PIP5K1C: variants seen among roughly 807,000 people sequenced by gnomAD.
PIP5K1C encodes phosphatidylinositol-4-phosphate 5-kinase type 1 gamma.
A neutral mutation model predicts 80.1 loss-of-function variants in PIP5K1C; 45 were observed. The observed-to-expected ratio is 0.56, with a 90% CI of 0.44 to 0.72. The LOEUF (loss-of-function observed/expected upper bound fraction) is 0.72. Among genes scored for constraint, PIP5K1C ranks in the 30% least tolerant of loss-of-function variants. PIP5K1C has a pLI of 0.00. For missense variants in PIP5K1C, 753 were observed against 954.6 expected, an observed-to-expected ratio of 0.79 and a Z score of 2.78; for synonymous variants, 498 against 420.1, an observed-to-expected ratio of 1.19 and a Z score of -2.27.
intron 7 of PIP5K1C, among the ~76,000 whole-genome samples, chr19:3,652,668 G>A (rs747750072): frequency 5.3e-5 from 8 of 152,298 alleles, no homozygotes; most frequent in Non-Finnish European, 1.0e-4. Context: ...TCATTCTTTC[G>A]CTAACACGGA....
intron 1 of PIP5K1C, among the ~76,000 whole-genome samples, chr19:3,689,041 T>C (rs1331039325): frequency 1.3e-5 from 2 of 152,024 alleles, no homozygotes; most frequent in South Asian, 2.1e-4. Flanking sequence ...AAAATTTTCT[T>C]AGGATCTCAC....
chr19:3,644,033 G>A, intron 12 of PIP5K1C, 54 bp downstream of exon 12: 2 of 1,594,368 alleles, frequency 1.3e-6, no homozygotes, highest in Non-Finnish European at 1.7e-6. Flanking sequence ...CCACGGGGCT[G>A]CTGCTGGCAC....
rs1193706438 is a variant in PIP5K1C at position 3,630,313 on chromosome 19, C to G, written c.*2854G>C. The G allele has an allele frequency of 1.3e-5, 2 of 152,478 alleles. No homozygotes were observed. Among genetic ancestry groups the G allele is most frequent in the Non-Finnish European group, 2.9e-5 (2 of 68,010 alleles). 9.4% of individuals were successfully genotyped at this position (152,478 alleles called of 1,614,324 possible). On this transcript the variant is annotated 3_prime_UTR_variant, in exon 18 of 18. Coordinates refer to ENST00000335312, the MANE Select transcript of PIP5K1C (RefSeq NM_012398.3). ...GCTGTATGGTTTCAGAGGCGCCCAC[C>G]ACTCTGGGTTTGAGGGACACAGCAC...
Position 3,700,461 on chromosome 19 carries a change from G to C in PIP5K1C, c.-71C>G, listed in dbSNP as rs2036266271. ...TGCGACCGCCGCCGCCGAACAACAA[G>C]CGCCGCCGGCCAAGGGAGGGCGCGC... is the stretch of plus-strand genomic sequence containing the variant. On this transcript the variant is annotated 5_prime_UTR_variant, in exon 1 of 18. Coordinates refer to ENST00000335312, the MANE Select transcript of PIP5K1C (RefSeq NM_012398.3). 37 of 833,210 alleles carry C rather than the reference G, an allele frequency of 4.4e-5. No individual in the cohort carries two copies. The South Asian group carries it at 4.8e-4, about 11-fold the overall frequency. The allele number at this position is 833,210 out of a possible 1,614,324, so 51.6% of individuals were successfully genotyped here. A position where few individuals can be genotyped will look rare whatever the true frequency, so the allele number is the denominator to read the frequency against.
chr19:3,649,915 T>C (rs2034371166), intron 8 of PIP5K1C: 1 of 268,980 alleles, frequency 3.7e-6, no homozygotes, highest in Non-Finnish European at 7.3e-6. Flanking sequence ...CGTGCAGCAG[T>C]CATCCTGAAG....
At chr19:3,684,368 G>A (rs1276684144) in intron 1 of PIP5K1C, among the ~76,000 whole-genome samples, 2 of 152,228 alleles carry the variant, frequency 1.3e-5, no homozygotes, top group Non-Finnish European at 1.5e-5. Flanking sequence ...CCATCCCGGG[G>A]ACAGGGCCGA....
chr19:3,665,008 T>C, intron 2 of PIP5K1C, 94 bp from the exon 3 acceptor site: 4 of 1,062,132 alleles, frequency 3.8e-6, no homozygotes, highest in South Asian at 1.3e-5. Context: ...GGTTTAGTCG[T>C]TGGGCCCAGC....
intron 8 of PIP5K1C, among the ~76,000 whole-genome samples, chr19:3,650,864 C>T (rs189604456): frequency 6.6e-6 from 1 of 152,248 alleles, no homozygotes; most frequent in African/African-American, 2.4e-5. Flanking sequence ...TCAAGCGATT[C>T]TCCTGCCTCA....
At chr19:3,690,294 C>G (rs775415183) in intron 1 of PIP5K1C, among the ~76,000 whole-genome samples, 21 of 151,928 alleles carry the variant, frequency 1.4e-4, no homozygotes, top group Non-Finnish European at 2.4e-4. Flanking sequence ...GCCAGGAGCT[C>G]GAGACCAGCC....
Position 3,633,464 on chromosome 19 carries a change from G to T in PIP5K1C, c.1977C>A (p.Pro659=). The change falls in exon 17 of 18, where the codon CCC becomes CCA. Residue 659 remains proline, a synonymous_variant. Coordinates refer to ENST00000335312, the MANE Select transcript of PIP5K1C (RefSeq NM_012398.3). ...TGTCGCTCTCGCCGTCGGAGGCCGGGGGGGCCTGGGCGCTATAGTGGAGCG... is the reference window on the plus strand; with the variant it reads ...TGTCGCTCTCGCCGTCGGAGGCCGGTGGGGCCTGGGCGCTATAGTGGAGCG... ...YSPLHYSAQA[P]PASDGESDT is the part of the protein sequence containing the mutation. 1 of 1,509,182 alleles carries T rather than the reference G, an allele frequency of 6.6e-7. No individual in the cohort carries two copies. The highest frequency in any genetic ancestry group is 8.9e-7 in the Non-Finnish European group (1 of 1,126,774). 93.5% of individuals were successfully genotyped at this position (1,509,182 alleles called of 1,614,324 possible).
chr19:3,679,533 G>A (rs868808938), intron 1 of PIP5K1C, among the ~76,000 whole-genome samples: 5 of 152,202 alleles, frequency 3.3e-5, no homozygotes, highest in East Asian at 3.9e-4. Context: ...CTGGCGTCTC[G>A]TTCACGGTTG....
At chr19:3,645,650 T>C (rs1051442889) in intron 11 of PIP5K1C, among the ~76,000 whole-genome samples, 4 of 152,220 alleles carry the variant, frequency 2.6e-5, no homozygotes, top group African/African-American at 9.6e-5. Context: ...ATCCCATATA[T>C]AAACACTGTA....
chr19:3,637,699 G>C lies in PIP5K1C; in HGVS notation c.1920+1185C>G, dbSNP rs962189412. ...CGGCCACCCCCGTGGTCGGGTGGGA[G>C]AGGCGGAGGGAGGTGGCGGGGAGCA... On this transcript the variant is annotated intron_variant, in intron 16 of 17. Transcript: ENST00000335312. The surrounding 1 kb of genome is among the most constrained non-coding windows in gnomAD (Gnocchi z 7.0). The C allele has an allele frequency of 1.3e-6, 2 of 1,507,634 alleles. No homozygotes were observed. The highest frequency in any genetic ancestry group is 1.8e-6 in the Non-Finnish European group (2 of 1,132,146). 93.4% of individuals were successfully genotyped at this position (1,507,634 alleles called of 1,614,324 possible). A position where few individuals can be genotyped will look rare whatever the true frequency, so the allele number is the denominator to read the frequency against.
chr19:3,649,997 T>C (rs1056592670), intron 8 of PIP5K1C: 1 of 184,240 alleles, frequency 5.4e-6, no homozygotes, highest in South Asian at 8.9e-5. Flanking sequence ...TACGCTCACC[T>C]GCTCCCCCGC....
chr19:3,690,663 G>A (rs917472724), intron 1 of PIP5K1C, among the ~76,000 whole-genome samples: 11 of 152,206 alleles, frequency 7.2e-5, no homozygotes, highest in South Asian at 2.1e-4. Flanking sequence ...CCTGCCAGAC[G>A]TTAACAATCA....
At chr19:3,685,932 T>C (rs903731149) in intron 1 of PIP5K1C, among the ~76,000 whole-genome samples, 2 of 151,832 alleles carry the variant, frequency 1.3e-5, no homozygotes, top group African/African-American at 2.4e-5. Flanking sequence ...GGTGCCACCA[T>C]AGCTCTGCAG....
chr19:3,658,054 C>T (rs2034698150), intron 5 of PIP5K1C, among the ~76,000 whole-genome samples: 1 of 152,192 alleles, frequency 6.6e-6, no homozygotes, highest in Non-Finnish European at 1.5e-5. Flanking sequence ...TGTTTGGGGA[C>T]CAGAGGACGC....
chr19:3,683,598 A>G (rs1013673666), intron 1 of PIP5K1C, among the ~76,000 whole-genome samples: 3 of 152,200 alleles, frequency 2.0e-5, no homozygotes, highest in Non-Finnish European at 4.4e-5. Context: ...TGAGGCTCAG[A>G]GAGGTCAGAT....
intron 12 of PIP5K1C, 29 bp downstream of exon 12, chr19:3,644,058 A>C (rs2145408888): frequency 1.2e-6 from 2 of 1,608,574 alleles, no homozygotes; most frequent in Non-Finnish European, 8.5e-7. Context: ...TGTAGCGCCC[A>C]CAAGCGCACT....
Sources: allele counts gnomAD v4.1 joint callset (sites outside exome capture counted in the v4.1 genomes callset), GRCh38; gene constraint gnomAD v4.1.1; non-coding constraint Gnocchi (gnomAD v3.1); transcripts MANE v1.5; gene names NCBI Gene and HGNC (gene_info 2026-07-23, HGNC 2026-07-21).